Variants in CSMD1 observed in about 807,000 individuals in gnomAD.
CSMD1 encodes the protein CUB and sushi domain-containing protein 1.
In CSMD1, 213 loss-of-function variants were observed where a neutral mutation model predicts 417.5. The ratio of observed to expected loss-of-function variants is 0.51; its 90% confidence interval spans 0.46 to 0.57. CSMD1 has a LOEUF of 0.57. Among genes scored for constraint, CSMD1 ranks in the 20% least tolerant of loss-of-function variants. CSMD1 has a pLI of 0.00. For synonymous variants in CSMD1, 2,862 were observed against 1,736.8 expected (o/e 1.65, Z -16.11); for missense variants, 6,923 against 4,529.7 (o/e 1.53, Z -15.17).
chr8:3,771,206 G>T (rs1325721084), intron 5 of CSMD1, among the ~76,000 whole-genome samples: 1 of 152,160 alleles, frequency 6.6e-6, no homozygotes. Flanking sequence ...ACTCTTTTTG[G>T]GGCCAGCTAC....
chr8:3,956,823 G>A (rs1409265099), intron 5 of CSMD1, among the ~76,000 whole-genome samples: 6 of 152,120 alleles, frequency 3.9e-5, no homozygotes, highest in African/African-American at 1.4e-4. Context: ...CGTTACGGAA[G>A]GAAGAGAGAA....
intron 3 of CSMD1, among the ~76,000 whole-genome samples, chr8:4,151,149 A>G (rs1270611018): frequency 6.6e-6 from 1 of 152,212 alleles, no homozygotes; most frequent in Non-Finnish European, 1.5e-5. Flanking sequence ...ACATTAGAAG[A>G]GCCAATCTTT....
intron 25 of CSMD1, among the ~76,000 whole-genome samples, chr8:3,286,058 T>A (rs964815188): frequency 2.0e-5 from 3 of 152,108 alleles, no homozygotes; most frequent in Admixed American, 2.0e-4. Context: ...CTCCCACCTA[T>A]GAGTGAGAAC....
intron 3 of CSMD1, among the ~76,000 whole-genome samples, chr8:4,388,952 A>G (rs565602134): frequency 6.6e-6 from 1 of 152,142 alleles, no homozygotes; most frequent in African/African-American, 2.4e-5. Flanking sequence ...TGCCATCTCT[A>G]CGTCTCTTAC....
At chr8:3,824,700 T>C (rs961616030) in intron 5 of CSMD1, among the ~76,000 whole-genome samples, 54 of 152,362 alleles carry the variant, frequency 3.5e-4, no homozygotes, top group African/African-American at 1.3e-3. Flanking sequence ...ATTTTACCTG[T>C]ATCTTTTTAC....
chr8:4,497,574 A>C (rs1043234344), intron 2 of CSMD1, among the ~76,000 whole-genome samples: 1 of 152,178 alleles, frequency 6.6e-6, no homozygotes, highest in African/African-American at 2.4e-5. Flanking sequence ...GGATGAGTGG[A>C]GTACACATGG....
At chr8:4,148,708 C>A (rs111239574) in intron 3 of CSMD1, among the ~76,000 whole-genome samples, 345 of 152,124 alleles carry the variant, frequency 2.3e-3, no homozygotes, top group African/African-American at 7.9e-3. Context: ...CAGCCCACAG[C>A]GAGGGCTCCA....
intron 3 of CSMD1, among the ~76,000 whole-genome samples, chr8:4,172,910 C>G (rs1469095527): frequency 6.6e-6 from 1 of 152,094 alleles, no homozygotes; most frequent in Non-Finnish European, 1.5e-5. Context: ...AGTCTGAGTC[C>G]CAGCAACAAG....
intron 12 of CSMD1, among the ~76,000 whole-genome samples, chr8:3,442,379 G>C (rs1255416743): frequency 6.6e-6 from 1 of 152,092 alleles, no homozygotes; most frequent in Non-Finnish European, 1.5e-5. Context: ...GACTCACCCA[G>C]AACAACTTCC....
intron 7 of CSMD1, among the ~76,000 whole-genome samples, chr8:3,671,644 G>A (rs1317948819): frequency 7.2e-6 from 1 of 139,210 alleles, no homozygotes; most frequent in South Asian, 2.3e-4. Context: ...CATCTATTTA[G>A]GCTTCACAAG....
chr8:4,732,628 G>T (rs898659607), intron 1 of CSMD1, among the ~76,000 whole-genome samples: 1 of 152,056 alleles, frequency 6.6e-6, no homozygotes, highest in African/African-American at 2.4e-5. Context: ...ACTAAATCAA[G>T]GCCCCTGGGA....
At chr8:3,981,500 T>TAAAAAAAAAAAGAAA (rs1813862983) in intron 5 of CSMD1, among the ~76,000 whole-genome samples, 1 of 115,072 alleles carries the variant, frequency 8.7e-6, no homozygotes, top group Non-Finnish European at 1.7e-5. Flanking sequence ...TAGAAAAAAG[T>TAAAAAAAAAAAGAAA]AAAAAAAAAA....
intron 1 of CSMD1, among the ~76,000 whole-genome samples, chr8:4,712,473 C>G (rs189921205): frequency 6.6e-6 from 1 of 152,268 alleles, no homozygotes; most frequent in Non-Finnish European, 1.5e-5. Flanking sequence ...TTTCCCATGT[C>G]AAAGCAGAAA....
chr8:3,597,318 C>T (rs549177134), intron 8 of CSMD1, among the ~76,000 whole-genome samples: 87 of 152,186 alleles, frequency 5.7e-4, no homozygotes, highest in Non-Finnish European at 6.0e-4. Context: ...CTTCCCAGCA[C>T]GTTTGGCATC....
chr8:3,061,955 G>A (rs945958970), intron 49 of CSMD1, among the ~76,000 whole-genome samples: 11 of 152,166 alleles, frequency 7.2e-5, no homozygotes, highest in East Asian at 3.9e-4. Context: ...TGATGACGAA[G>A]CCTGCCTTTC....
chr8:3,786,645 C>T (rs117284285), intron 5 of CSMD1, among the ~76,000 whole-genome samples: 2 of 152,214 alleles, frequency 1.3e-5, no homozygotes, highest in East Asian at 1.9e-4. Flanking sequence ...TTAGTTCACT[C>T]GAGATGCTAT....
chr8:4,400,104 A>C (rs1804547737), intron 3 of CSMD1, among the ~76,000 whole-genome samples: 1 of 152,186 alleles, frequency 6.6e-6, no homozygotes, highest in Non-Finnish European at 1.5e-5. Flanking sequence ...ACATTAAAAT[A>C]GTGTATACTC....
intron 5 of CSMD1, among the ~76,000 whole-genome samples, chr8:3,851,613 A>G (rs1803911526): frequency 6.6e-6 from 1 of 152,232 alleles, no homozygotes; most frequent in Non-Finnish European, 1.5e-5. Flanking sequence ...CTTTCACTGG[A>G]GAAAAAAACA....
chr8:4,379,497 A>G (rs759984868), intron 3 of CSMD1, among the ~76,000 whole-genome samples: 9 of 152,346 alleles, frequency 5.9e-5, no homozygotes, highest in Middle Eastern at 3.4e-3. Context: ...ATTCTGGTTA[A>G]TGTTAGCACT....
Sources: gnomAD v4.1 joint callset for allele counts (sites outside exome capture counted in the v4.1 genomes callset) on GRCh38, gnomAD v4.1.1 for gene constraint, MANE v1.5 for transcripts, NCBI Gene and HGNC (gene_info 2026-07-23, HGNC 2026-07-21) for gene names.